Variants in RBMS3 observed in about 807,000 individuals in gnomAD.
The protein encoded by RBMS3 is RNA binding motif single stranded interacting protein 3, also known as RNA-binding motif, single-stranded-interacting protein 3.
A neutral mutation model predicts 66.8 loss-of-function variants in RBMS3; 27 were observed. The observed-to-expected ratio is 0.40, with a 90% CI of 0.30 to 0.56. The LOEUF (loss-of-function observed/expected upper bound fraction) is 0.56. RBMS3 is among the 20% of genes least tolerant of loss of function. The pLI, the probability that RBMS3 is intolerant of heterozygous loss-of-function variation, is 0.40. For missense variants in RBMS3, 513 were observed against 549.5 expected (o/e 0.93, Z 0.66); for synonymous variants, 188 against 183.0 (o/e 1.03, Z -0.22).
rs956963431 is a variant in RBMS3 at position 29,950,383 on chromosome 3, C to T, written c.1098+6129C>T. Among the ~76,000 whole-genome samples, 12 of 151,942 alleles carry T rather than the reference C, an allele frequency of 7.9e-5. No individual in the cohort carries two copies. The East Asian group carries it at 1.2e-3, about 15-fold the overall frequency. ...ACAAAAGGGCAGAGCCTACATAATACGCAGCAGAGCACTTTCAAGACAACA... is the reference window on the plus strand; with the variant it reads ...ACAAAAGGGCAGAGCCTACATAATATGCAGCAGAGCACTTTCAAGACAACA... On this transcript the variant is annotated intron_variant, in intron 12 of 14. Transcript: ENST00000383767.
chr3:29,477,367 T>C (rs2042982166), intron 2 of RBMS3, among the ~76,000 whole-genome samples: 1 of 152,186 alleles, frequency 6.6e-6, no homozygotes, highest in South Asian at 2.1e-4. Context: ...TCTTGTTTCA[T>C]GTTCAAGGTG....
chr3:29,770,882 T>C (rs2056170240), intron 6 of RBMS3, among the ~76,000 whole-genome samples: 1 of 151,996 alleles, frequency 6.6e-6, no homozygotes, highest in Admixed American at 6.6e-5. Flanking sequence ...TCTCATTTAA[T>C]AGGATTGATT....
rs146307420 is a variant in RBMS3 at position 29,795,291 on chromosome 3, G to C, written c.637+32302G>C. 1.5e-3 allele frequency among the ~76,000 whole-genome samples: 233 copies of C among 152,276 alleles called. 1 individual carries two copies. Among genetic ancestry groups the C allele is most frequent in the African/African-American group, 5.2e-3 (218 of 41,526 alleles). ...AGAAAGTGGAAGCCAGTAACCCTGGGAAATTCGTGCTCAACTTTGGAAGTG... is the reference window on the plus strand; with the variant it reads ...AGAAAGTGGAAGCCAGTAACCCTGGCAAATTCGTGCTCAACTTTGGAAGTG... On this transcript the variant is annotated intron_variant, in intron 6 of 14. Coordinates refer to ENST00000383767, the MANE Select transcript of RBMS3 (RefSeq NM_001003793.3).
At chr3:29,939,577 A>C (rs1345831730) in intron 11 of RBMS3, among the ~76,000 whole-genome samples, 1 of 151,818 alleles carries the variant, frequency 6.6e-6, no homozygotes, top group East Asian at 1.9e-4. Context: ...AAATTTCTCC[A>C]TATTTAAATA....
chr3:29,536,452 G>A (rs963359205), intron 3 of RBMS3, among the ~76,000 whole-genome samples: 3 of 151,978 alleles, frequency 2.0e-5, no homozygotes, highest in Admixed American at 1.3e-4. Flanking sequence ...TTATCACTGC[G>A]TCATGTGCTG....
chr3:29,825,810 G>T (rs2058197295), intron 6 of RBMS3, among the ~76,000 whole-genome samples: 1 of 152,054 alleles, frequency 6.6e-6, no homozygotes, highest in South Asian at 2.1e-4. Flanking sequence ...CAAGACCTAG[G>T]TCATTTACTT....
chr3:29,940,019 C>G (rs140078349), intron 11 of RBMS3, among the ~76,000 whole-genome samples: 18 of 151,874 alleles, frequency 1.2e-4, no homozygotes, highest in African/African-American at 4.1e-4. Flanking sequence ...ACCATTTTCC[C>G]TGTAGTCAAA....
chr3:29,623,590 T>G (rs1202987020), intron 4 of RBMS3, among the ~76,000 whole-genome samples: 2 of 110,122 alleles, frequency 1.8e-5, no homozygotes, highest in Admixed American at 2.1e-4. Flanking sequence ...CAAGACTGTC[T>G]CAAAAAAAAA....
At chr3:29,635,887 G>A (rs751456147) in intron 4 of RBMS3, among the ~76,000 whole-genome samples, 21 of 151,766 alleles carry the variant, frequency 1.4e-4, no homozygotes, top group Non-Finnish European at 2.7e-4. Flanking sequence ...ATGGGTCCAG[G>A]TGGAAGAATG....
intron 4 of RBMS3, among the ~76,000 whole-genome samples, chr3:29,660,610 T>C (rs548419961): frequency 7.8e-6 from 1 of 127,612 alleles, no homozygotes; most frequent in Non-Finnish European, 1.8e-5. Context: ...GTTAGCTGGG[T>C]TTTTTTTTAT....
intron 6 of RBMS3, among the ~76,000 whole-genome samples, chr3:29,860,435 G>A (rs2059183828): frequency 6.6e-6 from 1 of 152,136 alleles, no homozygotes; most frequent in Admixed American, 6.6e-5. Context: ...AGTTGGCATG[G>A]GGTGGGAGGT....
chr3:29,852,265 GATGAAGATGCTA>G (rs1389901277), intron 6 of RBMS3, among the ~76,000 whole-genome samples: 1 of 152,210 alleles, frequency 6.6e-6, no homozygotes, highest in Non-Finnish European at 1.5e-5. Flanking sequence ...AAGATTTCAT[GATGAAGATGCTA>G]AAAGCAATTG....
At chr3:29,406,735 A>T (rs965965020) in intron 1 of RBMS3, among the ~76,000 whole-genome samples, 2 of 152,162 alleles carry the variant, frequency 1.3e-5, no homozygotes, top group Non-Finnish European at 2.9e-5. Flanking sequence ...ATACACAAAC[A>T]TATATTTATA....
At chr3:29,869,575 G>C (rs1477997678) in intron 7 of RBMS3, among the ~76,000 whole-genome samples, 1 of 152,096 alleles carries the variant, frequency 6.6e-6, no homozygotes, top group Non-Finnish European at 1.5e-5. Context: ...AGAAGGAAAA[G>C]CACTGAACAG....
intron 10 of RBMS3, among the ~76,000 whole-genome samples, chr3:29,900,238 T>G (rs1456106182): frequency 2.0e-5 from 3 of 151,778 alleles, no homozygotes; most frequent in Non-Finnish European, 4.4e-5. Context: ...AGTTTTGACT[T>G]GAAGCAATAT....
At chr3:29,511,692 AC>A (rs1008544024) in intron 3 of RBMS3, among the ~76,000 whole-genome samples, 1 of 152,034 alleles carries the variant, frequency 6.6e-6, no homozygotes, top group Non-Finnish European at 1.5e-5. Flanking sequence ...AAAGAATAAC[AC>A]CCCTTTTGCC....
intron 2 of RBMS3, among the ~76,000 whole-genome samples, chr3:29,472,514 C>T (rs959451776): frequency 2.6e-5 from 4 of 152,096 alleles, no homozygotes; most frequent in Admixed American, 6.5e-5. Context: ...CGAATGAAGC[C>T]GTGGACCCTC....
intron 6 of RBMS3, among the ~76,000 whole-genome samples, chr3:29,825,755 A>T (rs2149480949): frequency 6.6e-6 from 1 of 152,292 alleles, no homozygotes; most frequent in South Asian, 2.1e-4. Flanking sequence ...ACTGGTTAAG[A>T]AATTGCTTCC....
chr3:29,554,143 T>C (rs1291241763), intron 3 of RBMS3, among the ~76,000 whole-genome samples: 1 of 152,240 alleles, frequency 6.6e-6, no homozygotes, highest in African/African-American at 2.4e-5. Flanking sequence ...ATGTACCTTA[T>C]ATAGGCATAT....
Sources: allele counts gnomAD v4.1 joint callset (sites outside exome capture counted in the v4.1 genomes callset), GRCh38; gene constraint gnomAD v4.1.1; transcripts MANE v1.5; gene names NCBI Gene and HGNC (gene_info 2026-07-23, HGNC 2026-07-21).